The following TAF13 variants were observed in gnomAD, a reference collection of about 807,000 sequenced individuals.
TAF13 encodes transcription initiation factor TFIID subunit 13.
Under a neutral mutation model 18.7 loss-of-function variants are expected in TAF13, and 9 were observed. The ratio of observed to expected loss-of-function variants is 0.48; its 90% CI spans 0.29 to 0.84. The LOEUF is 0.84. Among genes scored for constraint, TAF13 ranks in the 40% least tolerant of loss-of-function variants. TAF13 has a pLI of 0.08. For synonymous variants in TAF13, 49 were observed against 44.1 expected (o/e 1.11, Z -0.44); for missense variants, 105 against 146.5 (o/e 0.72, Z 1.46).
At chr1:109,073,138 G>T (rs1664104495) in intron 2 of TAF13, among the ~76,000 whole-genome samples, 1 of 152,100 alleles carries the variant, frequency 6.6e-6, no homozygotes, top group Non-Finnish European at 1.5e-5. Flanking sequence ...ATTACCTGTG[G>T]CTTACAGTCA....
chr1:109,066,845 G>A (rs1056079813), intron 2 of TAF13, among the ~76,000 whole-genome samples: 11 of 151,800 alleles, frequency 7.2e-5, no homozygotes, highest in Non-Finnish European at 1.2e-4. Flanking sequence ...TCAGCCTCCC[G>A]AGTAGCTGGG....
At chr1:109,066,007 C>A in intron 3 of TAF13, 128 bp downstream of exon 3, 1 of 671,298 alleles carries the variant, frequency 1.5e-6, no homozygotes, top group Non-Finnish European at 2.5e-6. Context: ...TAACCAATAA[C>A]TTCTGCAAAC....
In TAF13 at chr1:109,064,668, C is replaced by T; in HGVS notation, c.230G>A (p.Arg77Lys). ...ATCTTCAACTTGTACTCGACCTTGT[C>T]TTCCAATTGACATTGCCTTGTGAGT... The part of the protein sequence containing the change: ...EMTHKAMSIG[R>K]QGRVQVEDIV... Residue 77 changes from arginine to lysine, a missense_variant, in exon 4 of 4, where the codon AGA becomes AAA. Coordinates refer to ENST00000338366, the MANE Select transcript of TAF13 (RefSeq NM_005645.4). 6.5e-7 allele frequency: 1 copy of T among 1,531,312 alleles called. No individual in the cohort carries two copies. The highest frequency in any genetic ancestry group is 8.8e-7 in the Non-Finnish European group (1 of 1,140,600). 94.9% of individuals were successfully genotyped at this position (1,531,312 alleles called of 1,614,324 possible). A position where few individuals can be genotyped will look rare whatever the true frequency, so the allele number is the denominator to read the frequency against.
chr1:109,075,816 C>A, intron 1 of TAF13, 105 bp downstream of exon 1: 1 of 1,470,784 alleles, frequency 6.8e-7, no homozygotes, highest in Non-Finnish European at 9.5e-7. Flanking sequence ...GAACTCTGTC[C>A]GCTGAATTCA....
chr1:109,072,609 TA>T (rs1488032089), intron 2 of TAF13, among the ~76,000 whole-genome samples: 3 of 151,868 alleles, frequency 2.0e-5, no homozygotes, highest in African/African-American at 4.8e-5. Context: ...CATGCCCTGC[TA>T]ATTTTTGTAT....
intron 2 of TAF13, among the ~76,000 whole-genome samples, chr1:109,067,190 G>A (rs1368917375): frequency 3.3e-5 from 5 of 152,062 alleles, no homozygotes; most frequent in Non-Finnish European, 7.4e-5. Context: ...GGGTGCAGTG[G>A]CCCACGCCTG....
At chr1:109,066,576 C>A (rs896335454) in intron 2 of TAF13, among the ~76,000 whole-genome samples, 1 of 152,186 alleles carries the variant, frequency 6.6e-6, no homozygotes, top group Non-Finnish European at 1.5e-5. Flanking sequence ...GGACAGACAG[C>A]AACAGCTTAG....
At chr1:109,075,196 C>T (rs1557987568) in intron 1 of TAF13, 131 bp from the exon 2 acceptor site, 3 of 737,960 alleles carry the variant, frequency 4.1e-6, no homozygotes, top group Non-Finnish European at 2.2e-6. Context: ...AAAAAAACCA[C>T]GAAACCTTAG....
chr1:109,072,357 T>A (rs114117917), intron 2 of TAF13, among the ~76,000 whole-genome samples: 1 of 151,734 alleles, frequency 6.6e-6, no homozygotes, highest in African/African-American at 2.4e-5. Flanking sequence ...TCTCCCTTCC[T>A]CGTGTTGCCA....
intron 2 of TAF13, among the ~76,000 whole-genome samples, chr1:109,071,993 T>TATATATATATATATACACACAC (rs1664070608): frequency 3.6e-4 from 1 of 2,772 alleles, no homozygotes; most frequent in Admixed American, 5.4e-3. Flanking sequence ...TATATATATA[T>TATATATATATATATACACACAC]ATATATATAT....
chr1:109,066,163 T>A lies in TAF13; in HGVS notation c.176A>T (p.Asp59Val). The A allele has an allele frequency of 6.2e-7, 1 of 1,612,948 alleles. No individual in the cohort carries two copies. Among genetic ancestry groups the A allele is most frequent in the Non-Finnish European group, 8.5e-7 (1 of 1,179,680 alleles). The change falls in exon 3 of 4, where the codon GAT becomes GTT. Residue 59 changes from aspartate to valine, a missense_variant. Coordinates refer to ENST00000338366, the MANE Select transcript of TAF13 (RefSeq NM_005645.4). ...TTCAGTGATAAACTCTATGACAAGA[T>A]CTTCAAGAATATCCACTGACTCAGT... is the stretch of plus-strand genomic sequence containing the variant. Reference protein sequence around the residue: ...PYTESVDILEDLVIEFITEMT... With the variant: ...PYTESVDILEVLVIEFITEMT...
In TAF13 at chr1:109,064,785, A is replaced by AT. The variant is rs1663923569; in HGVS notation, c.205-93dup. On this transcript the variant is annotated intron_variant, in intron 3 of 3. Transcript: ENST00000338366. ...TTATTAATTGCAAGTGAGGTAGAAG[A>AT]TTTTCTCTTATTATTATTATTATGG... 5.9e-6 allele frequency: 6 copies of AT among 1,013,614 alleles called. No individual in the cohort carries two copies. The South Asian group carries it at 1.5e-4, about 26-fold the overall frequency. 62.8% of individuals were successfully genotyped at this position (1,013,614 alleles called of 1,614,324 possible).
intron 3 of TAF13, 135 bp downstream of exon 3, chr1:109,066,000 C>A: frequency 6.2e-6 from 4 of 644,032 alleles, no homozygotes; most frequent in South Asian, 2.0e-5. Context: ...TAAATAGTAA[C>A]CAATAACTTC....
rs553554133 is a variant in TAF13 at position 109,071,103 on chromosome 1, T to G, written c.106+3884A>C. ...CTTAAGCCTAGGAGTTTGAGACCAG[T>G]CTGGCCAACATGGTGAAACTTGTCT... On this transcript the variant is annotated intron_variant, in intron 2 of 3. Transcript: ENST00000338366. Among the ~76,000 whole-genome samples, 8 of 150,808 alleles carry G rather than the reference T, an allele frequency of 5.3e-5. No homozygotes were observed. The East Asian group carries it at 1.6e-3, about 30-fold the overall frequency.
rs202046028 is a variant in TAF13, at chr1:109,075,133, A to AT, written c.28-69dup. Reference sequence around the variant, plus strand: ...TTGCATTTGATATTTTAATAATGACATTTTTTTTTCCTTTTCAACAGATAG... The same window carrying AT: ...TTGCATTTGATATTTTAATAATGACATTTTTTTTTTCCTTTTCAACAGATAG... On this transcript the variant is annotated intron_variant, in intron 1 of 3. Coordinates refer to ENST00000338366, the MANE Select transcript of TAF13 (RefSeq NM_005645.4). 2.9e-3 allele frequency: 3,878 copies of AT among 1,355,086 alleles called. 38 individuals are homozygous for AT. In the African/African-American group the frequency reaches 0.035, roughly 12 times the overall value. 83.9% of individuals were successfully genotyped at this position (1,355,086 alleles called of 1,614,324 possible). A position where few individuals can be genotyped will look rare whatever the true frequency, so the allele number is the denominator to read the frequency against.
intron 2 of TAF13, among the ~76,000 whole-genome samples, chr1:109,073,348 G>A (rs1405530367): frequency 6.6e-6 from 1 of 151,804 alleles, no homozygotes; most frequent in Admixed American, 6.6e-5. Context: ...GATCATCCTG[G>A]CTAACACAGT....
At chr1:109,068,116 A>G (rs1314297362) in intron 2 of TAF13, among the ~76,000 whole-genome samples, 1 of 152,120 alleles carries the variant, frequency 6.6e-6, no homozygotes, top group East Asian at 1.9e-4. Context: ...CTACAGACAC[A>G]TGCCACTATG....
chr1:109,074,882 A>C, intron 2 of TAF13, 105 bp downstream of exon 2: 1 of 833,304 alleles, frequency 1.2e-6, no homozygotes, highest in Non-Finnish European at 1.9e-6. Context: ...TAGTCTGAGA[A>C]TATTATCCCT....
In TAF13 at chr1:109,072,780, C is replaced by CT. The variant is rs58964826; in HGVS notation, c.106+2206dup. On this transcript the variant is annotated intron_variant, in intron 2 of 3. Coordinates refer to ENST00000338366, the MANE Select transcript of TAF13 (RefSeq NM_005645.4). ...TATAATGCCTTACACGATTCACCACCTTTTTTTTTTTTTTTTTTAAGACAG... is the reference window on the plus strand; with the variant it reads ...TATAATGCCTTACACGATTCACCACCTTTTTTTTTTTTTTTTTTTAAGACAG... 8.2e-3 allele frequency among the ~76,000 whole-genome samples: 1,067 copies of CT among 130,420 alleles called. 20 individuals are homozygous for CT. The highest frequency in any genetic ancestry group is 0.028 in the African/African-American group (970 of 34,440). 85.6% of individuals were successfully genotyped at this position (130,420 alleles called of 152,430 possible).
Sources: gnomAD v4.1 joint callset for allele counts (sites outside exome capture counted in the v4.1 genomes callset) on GRCh38, gnomAD v4.1.1 for gene constraint, MANE v1.5 for transcripts, NCBI Gene and HGNC (gene_info 2026-07-23, HGNC 2026-07-21) for gene names.